The following GALNTL6 variants were observed in gnomAD, a reference collection of about 807,000 sequenced individuals.
The protein encoded by GALNTL6 is polypeptide N-acetylgalactosaminyltransferase like 6.
GALNTL6 carries 46 observed loss-of-function variants against 73.7 expected under a neutral mutation model. The ratio of observed to expected loss-of-function variants is 0.62; its 90% CI spans 0.49 to 0.80. GALNTL6 has a LOEUF of 0.80. GALNTL6 is among the 30% of genes least tolerant of loss of function. The pLI is 0.00. For missense variants in GALNTL6, 604 were observed against 755.0 expected (o/e 0.80, Z 2.34); for synonymous variants, 259 against 263.7 (o/e 0.98, Z 0.17).
At chr4:172,968,978 T>A (rs1259041481) in intron 10 of GALNTL6, among the ~76,000 whole-genome samples, 1 of 152,104 alleles carries the variant, frequency 6.6e-6, no homozygotes, top group Non-Finnish European at 1.5e-5. Flanking sequence ...CACATAAAAA[T>A]ATACTACAAA....
chr4:171,815,128 T>C (rs192040465), intron 2 of GALNTL6: 253 of 243,380 alleles, frequency 1.0e-3, no homozygotes, highest in South Asian at 1.6e-3. Context: ...GCCAACTAAA[T>C]CATTAAGATT....
intron 2 of GALNTL6, among the ~76,000 whole-genome samples, chr4:171,902,797 T>C (rs530344738): frequency 1.7e-4 from 26 of 152,298 alleles, no homozygotes; most frequent in South Asian, 1.7e-3. Flanking sequence ...TGGACATTAA[T>C]TGGTTTATCT....
intron 7 of GALNTL6, among the ~76,000 whole-genome samples, chr4:172,844,843 A>G (rs1265789898): frequency 1.3e-5 from 2 of 152,226 alleles, no homozygotes; most frequent in South Asian, 2.1e-4. Context: ...AAAAAGTTAC[A>G]AGTTTTGCAT....
At chr4:172,376,798 C>T (rs1172863246) in intron 5 of GALNTL6, among the ~76,000 whole-genome samples, 2 of 152,186 alleles carry the variant, frequency 1.3e-5, no homozygotes, top group Non-Finnish European at 2.9e-5. Flanking sequence ...CTTGGTCTCA[C>T]TGACTTCAAG....
At chr4:172,555,800 C>A (rs1019907815) in intron 5 of GALNTL6, among the ~76,000 whole-genome samples, 1 of 152,030 alleles carries the variant, frequency 6.6e-6, no homozygotes, top group African/African-American at 2.4e-5. Context: ...GATTGGGTAA[C>A]TCTTTCTACA....
At chr4:172,148,956 T>C (rs2110756132) in intron 2 of GALNTL6, among the ~76,000 whole-genome samples, 1 of 152,300 alleles carries the variant, frequency 6.6e-6, no homozygotes, top group South Asian at 2.1e-4. Context: ...ACAGTATGAT[T>C]GCTAATTTAC....
chr4:172,518,057 T>A (rs1734664064), intron 5 of GALNTL6, among the ~76,000 whole-genome samples: 1 of 151,954 alleles, frequency 6.6e-6, no homozygotes, highest in South Asian at 2.1e-4. Context: ...CCCAGTATGC[T>A]CACAAAGGCT....
At chr4:173,010,669 A>C (rs1263513088) in intron 11 of GALNTL6, among the ~76,000 whole-genome samples, 1 of 151,874 alleles carries the variant, frequency 6.6e-6, no homozygotes, top group Admixed American at 6.6e-5. Flanking sequence ...ATCTCGGCTC[A>C]CTACAACCTC....
At chr4:171,907,566 T>A (rs950678288) in intron 2 of GALNTL6, among the ~76,000 whole-genome samples, 1 of 151,994 alleles carries the variant, frequency 6.6e-6, no homozygotes, top group African/African-American at 2.4e-5. Flanking sequence ...ATGGCCATAC[T>A]GTCCAAGGTA....
At chr4:171,892,790 G>A (rs1560829198) in intron 2 of GALNTL6, among the ~76,000 whole-genome samples, 1 of 152,080 alleles carries the variant, frequency 6.6e-6, no homozygotes, top group Non-Finnish European at 1.5e-5. Flanking sequence ...TCCAACTCCT[G>A]GTCTTAAGTG....
intron 2 of GALNTL6, among the ~76,000 whole-genome samples, chr4:171,818,713 G>A (rs1385640890): frequency 6.6e-6 from 1 of 151,724 alleles, no homozygotes; most frequent in Admixed American, 6.6e-5. Flanking sequence ...AAAGTCCTGA[G>A]AGCTCACACC....
chr4:172,428,666 C>G (rs1731314852), intron 5 of GALNTL6, among the ~76,000 whole-genome samples: 1 of 152,186 alleles, frequency 6.6e-6, no homozygotes. Flanking sequence ...TTTACCTTCA[C>G]ATCATGTTCT....
At chr4:172,716,917 A>G (rs35048952) in intron 5 of GALNTL6, among the ~76,000 whole-genome samples, 149 of 152,318 alleles carry the variant, frequency 9.8e-4, no homozygotes, top group Non-Finnish European at 1.7e-3. Context: ...CATTTTTCAT[A>G]TGCTATGTAT....
chr4:171,842,098 G>A (rs2877674), intron 2 of GALNTL6, among the ~76,000 whole-genome samples: 118,455 of 152,052 alleles, frequency 0.78, 47,759 homozygotes, highest in Non-Finnish European at 0.88. Flanking sequence ...ATCTTTTCAC[G>A]TACCTTTCGG....
intron 4 of GALNTL6, among the ~76,000 whole-genome samples, chr4:172,335,540 A>G (rs548597669): frequency 1.3e-5 from 2 of 152,268 alleles, no homozygotes; most frequent in South Asian, 2.1e-4. Context: ...TTCTTTGCAC[A>G]TCTGGTAGAA....
chr4:171,932,962 A>G (rs1738231574), intron 2 of GALNTL6, among the ~76,000 whole-genome samples: 1 of 152,206 alleles, frequency 6.6e-6, no homozygotes, highest in Non-Finnish European at 1.5e-5. Context: ...GAGCAGCAGC[A>G]TCAGTATCAC....
At chr4:171,894,858 A>C (rs1736865682) in intron 2 of GALNTL6, among the ~76,000 whole-genome samples, 1 of 152,278 alleles carries the variant, frequency 6.6e-6, no homozygotes, top group East Asian at 1.9e-4. Flanking sequence ...TTTTCATGGA[A>C]ATTCAAGGAT....
intron 3 of GALNTL6, among the ~76,000 whole-genome samples, chr4:172,297,283 A>C (rs566322206): frequency 1.6e-4 from 24 of 152,108 alleles, no homozygotes; most frequent in African/African-American, 5.3e-4. Flanking sequence ...AGATTGCAAA[A>C]ATTTTCTCCC....
At chr4:171,923,420 C>T (rs1162859006) in intron 2 of GALNTL6, among the ~76,000 whole-genome samples, 2 of 122,246 alleles carry the variant, frequency 1.6e-5, no homozygotes, top group Non-Finnish European at 3.2e-5. Flanking sequence ...TTTTTTGAGA[C>T]GGAGTCTCGC....
Sources: allele counts gnomAD v4.1 joint callset (sites outside exome capture counted in the v4.1 genomes callset), GRCh38; gene constraint gnomAD v4.1.1; transcripts MANE v1.5; gene names NCBI Gene and HGNC (gene_info 2026-07-23, HGNC 2026-07-21).